ACKR2: variants seen among roughly 807,000 people sequenced by gnomAD.
ACKR2 encodes atypical chemokine receptor 2, also known as C-C chemokine receptor D6.
For synonymous variants in ACKR2, 207 were observed against 192.2 expected, an observed-to-expected ratio of 1.08 and a Z score of -0.64; for missense variants, 457 against 477.3, an observed-to-expected ratio of 0.96 and a Z score of 0.40.
chr3:42,826,990 G>A (rs918168631), intron 2 of ACKR2, among the ~76,000 whole-genome samples: 2 of 152,040 alleles, frequency 1.3e-5, no homozygotes, highest in Non-Finnish European at 2.9e-5. Context: ...GGTTATTTAG[G>A]AGTGTGTTGT....
intron 2 of ACKR2, among the ~76,000 whole-genome samples, chr3:42,830,489 T>C (rs1297507637): frequency 6.6e-6 from 1 of 152,164 alleles, no homozygotes; most frequent in Non-Finnish European, 1.5e-5. Context: ...AATCTTGTTT[T>C]AAAATTTTGT....
At chr3:42,820,490 G>A (rs1700797859) in intron 2 of ACKR2, among the ~76,000 whole-genome samples, 1 of 151,690 alleles carries the variant, frequency 6.6e-6, no homozygotes, top group African/African-American at 2.4e-5. Flanking sequence ...CTATTCTGGA[G>A]GCTGAGGCAG....
intron 2 of ACKR2, among the ~76,000 whole-genome samples, chr3:42,834,052 T>A (rs34759881): frequency 9.2e-5 from 14 of 152,194 alleles, no homozygotes; most frequent in Admixed American, 5.9e-4. Context: ...AACCTCCACC[T>A]TCTAGGTTCA....
At chr3:42,813,353 G>C (rs1700714441) in intron 1 of ACKR2, among the ~76,000 whole-genome samples, 1 of 152,140 alleles carries the variant, frequency 6.6e-6, no homozygotes, top group Non-Finnish European at 1.5e-5. Context: ...ATGCTAGAAA[G>C]AACTACCTGA....
Position 42,866,171 on chromosome 3 carries a change from TC to T in ACKR2, c.*515del, listed in dbSNP as rs2088434062. The T allele has an allele frequency of 7.9e-6, 1 of 126,454 alleles. No individual in the cohort carries two copies. Among genetic ancestry groups the T allele is most frequent in the Admixed American group, 9.4e-5 (1 of 10,608 alleles). The allele number at this position is 126,454 out of a possible 1,614,324, so 7.8% of individuals were successfully genotyped here. On this transcript the variant is annotated 3_prime_UTR_variant, in exon 3 of 3. Transcript: ENST00000422265. ...TTTGTATTTTTTTTCTTTCTTTCTTTCTTTTCTTTTTTTTTTTTTTTTGAGA... is the reference window on the plus strand; with the variant it reads ...TTTGTATTTTTTTTCTTTCTTTCTTTTTTTCTTTTTTTTTTTTTTTTGAGA...
At chr3:42,814,951 G>A (rs1024803972) in intron 1 of ACKR2, among the ~76,000 whole-genome samples, 1 of 152,152 alleles carries the variant, frequency 6.6e-6, no homozygotes, top group African/African-American at 2.4e-5. Context: ...CAAACAGAGG[G>A]CAGAAGAATA....
At chr3:42,846,505 C>T (rs1701099091) in intron 2 of ACKR2, among the ~76,000 whole-genome samples, 2 of 152,200 alleles carry the variant, frequency 1.3e-5, no homozygotes, top group South Asian at 4.1e-4. Flanking sequence ...CCCGAGGGTG[C>T]ATCCAGCTGC....
chr3:42,864,380 G>GT (rs2088412185), intron 2 of ACKR2, 86 bp from the exon 3 acceptor site: 1 of 1,230,318 alleles, frequency 8.1e-7, no homozygotes, highest in Admixed American at 2.7e-5. Context: ...GATTTGAAGA[G>GT]TCTATTGGAC....
Position 42,865,957 on chromosome 3 carries a change from T to G in ACKR2, c.*300T>G. On this transcript the variant is annotated 3_prime_UTR_variant, in exon 3 of 3. Transcript: ENST00000422265. The stretch of plus-strand genomic sequence containing the variant: ...CTCCCTCGCTTCTTCCCTTCCTCCT[T>G]TCCTCCCTTCCTACTTTCCTTCCTT... The G allele has an allele frequency of 3.2e-6, 1 of 311,580 alleles. No individual in the cohort carries two copies. The highest frequency in any genetic ancestry group is 6.1e-6 in the Non-Finnish European group (1 of 165,176). 19.3% of individuals were successfully genotyped at this position (311,580 alleles called of 1,614,324 possible).
chr3:42,824,282 ATTG>A (rs768838459), intron 2 of ACKR2, among the ~76,000 whole-genome samples: 57 of 152,216 alleles, frequency 3.7e-4, no homozygotes, highest in Admixed American at 7.2e-4. Context: ...TTATTGCTGT[ATTG>A]TTATTTTTAA....
chr3:42,850,556 G>A (rs2099022), intron 2 of ACKR2, among the ~76,000 whole-genome samples: 43,278 of 152,088 alleles, frequency 0.28, 7,433 homozygotes, highest in East Asian at 0.6. Context: ...CACTTGCTGT[G>A]TGTCAAGGGG....
At chr3:42,819,935 A>G (rs773284002) in intron 2 of ACKR2, among the ~76,000 whole-genome samples, 3 of 152,028 alleles carry the variant, frequency 2.0e-5, no homozygotes, top group Non-Finnish European at 4.4e-5. Context: ...GGCTGTTTTT[A>G]TGGTCTGCTA....
At chr3:42,827,491 G>C (rs1416206568) in intron 2 of ACKR2, among the ~76,000 whole-genome samples, 1 of 152,112 alleles carries the variant, frequency 6.6e-6, no homozygotes, top group African/African-American at 2.4e-5. Context: ...CTTACTTCTA[G>C]TGGTAACTTT....
chr3:42,844,905 C>T (rs1575385655), intron 2 of ACKR2, among the ~76,000 whole-genome samples: 2 of 152,152 alleles, frequency 1.3e-5, no homozygotes, highest in Admixed American at 6.5e-5. Flanking sequence ...CCTGTCCACA[C>T]GGGCCTCCAC....
intron 2 of ACKR2, among the ~76,000 whole-genome samples, chr3:42,823,241 G>A (rs989883239): frequency 6.6e-6 from 1 of 152,080 alleles, no homozygotes; most frequent in African/African-American, 2.4e-5. Context: ...TGACTTTTGC[G>A]TTTGAGTTTT....
At chr3:42,821,072 G>A (rs556089979) in intron 2 of ACKR2, among the ~76,000 whole-genome samples, 2 of 152,100 alleles carry the variant, frequency 1.3e-5, no homozygotes, top group Admixed American at 1.3e-4. Context: ...TTTTAGTAGA[G>A]ACGAGGTTTC....
intron 1 of ACKR2, among the ~76,000 whole-genome samples, chr3:42,816,322 G>C (rs762928907): frequency 1.3e-5 from 2 of 151,932 alleles, no homozygotes; most frequent in Non-Finnish European, 2.9e-5. Flanking sequence ...CAAAGAAGAA[G>C]CTAGGAGCTA....
chr3:42,847,987 G>T (rs1193645474), intron 2 of ACKR2, among the ~76,000 whole-genome samples: 1 of 152,056 alleles, frequency 6.6e-6, no homozygotes, highest in Admixed American at 6.6e-5. Context: ...AGTGTCTGAC[G>T]TGCTATGGCT....
chr3:42,833,027 C>G (rs946717786), intron 2 of ACKR2, among the ~76,000 whole-genome samples: 8 of 152,160 alleles, frequency 5.3e-5, no homozygotes, highest in African/African-American at 1.9e-4. Flanking sequence ...CCACACCCAG[C>G]TAATTTTTGT....
Sources: allele counts gnomAD v4.1 joint callset (sites outside exome capture counted in the v4.1 genomes callset), GRCh38; gene constraint gnomAD v4.1.1; transcripts MANE v1.5; gene names NCBI Gene and HGNC (gene_info 2026-07-23, HGNC 2026-07-21).